PRKCH: variants seen among roughly 807,000 people sequenced by gnomAD.
The protein encoded by PRKCH is protein kinase C eta type.
Under a neutral mutation model 82.5 loss-of-function variants are expected in PRKCH, and 28 were observed. The ratio of observed to expected loss-of-function variants is 0.34; its 90% CI spans 0.25 to 0.47. The LOEUF is 0.47. Among genes scored for constraint, PRKCH ranks in the 20% least tolerant of loss-of-function variants. The pLI is 1.00. For synonymous variants in PRKCH, 322 were observed against 327.4 expected, an observed-to-expected ratio of 0.98 and a Z score of 0.18; for missense variants, 705 against 881.8, an observed-to-expected ratio of 0.80 and a Z score of 2.54.
chr14:61,415,993 C>T (rs568433037), intron 2 of PRKCH, among the ~76,000 whole-genome samples: 2 of 151,106 alleles, frequency 1.3e-5, no homozygotes, highest in East Asian at 3.9e-4. Flanking sequence ...AGGGTTCACC[C>T]GTGTGGTAGC....
intron 1 of PRKCH, among the ~76,000 whole-genome samples, chr14:61,260,873 C>A (rs1351339925): frequency 3.9e-5 from 6 of 152,120 alleles, no homozygotes; most frequent in Non-Finnish European, 7.4e-5. Flanking sequence ...TGGCTGTACC[C>A]AAACAACTTC....
At position 61,381,504 on chromosome 14, in the gene PRKCH, G is replaced by C. The variant is rs1459479913; in HGVS notation, c.364-9721G>C. On this transcript the variant is annotated intron_variant, in intron 1 of 13. Coordinates refer to ENST00000332981, the MANE Select transcript of PRKCH (RefSeq NM_006255.5). ...AGCAGGGATGTAGTATTTGCCTATT[G>C]CAACTTCTTTTCCTTTAAACCCCTT... Among the ~76,000 whole-genome samples the C allele has an allele frequency of 1.3e-5, 2 of 152,190 alleles. 1 individual carries two copies. The highest frequency in any genetic ancestry group is 4.1e-4 in the South Asian group (2 of 4,834).
At chr14:61,325,556 C>CA (rs2045684063) in intron 1 of PRKCH, among the ~76,000 whole-genome samples, 1 of 151,980 alleles carries the variant, frequency 6.6e-6, no homozygotes, top group African/African-American at 2.4e-5. Flanking sequence ...TTGGGTTCAG[C>CA]AAAAAATTTT....
At chr14:61,493,204 C>G (rs1594760285) in intron 10 of PRKCH, among the ~76,000 whole-genome samples, 1 of 152,160 alleles carries the variant, frequency 6.6e-6, no homozygotes, top group East Asian at 1.9e-4. Context: ...ACATAGTGCT[C>G]TCTCACATGA....
chr14:61,416,333 G>A (rs1432230404), intron 2 of PRKCH, among the ~76,000 whole-genome samples: 2 of 152,088 alleles, frequency 1.3e-5, no homozygotes, highest in Non-Finnish European at 2.9e-5. Flanking sequence ...GGCATTACAG[G>A]TGTAAGCCAC....
chr14:61,206,202 A>G (rs1445121325), intron 1 of PRKCH, among the ~76,000 whole-genome samples: 2 of 152,248 alleles, frequency 1.3e-5, no homozygotes, highest in African/African-American at 4.8e-5. Context: ...GGCTTAGCTT[A>G]AAGCAACTGA....
At chr14:61,325,811 A>G (rs1401045723) in intron 1 of PRKCH, among the ~76,000 whole-genome samples, 1 of 152,238 alleles carries the variant, frequency 6.6e-6, no homozygotes, top group East Asian at 1.9e-4. Flanking sequence ...AACTTGTCAA[A>G]TATTTCAATA....
chr14:61,382,633 T>C (rs1160463114), intron 1 of PRKCH, among the ~76,000 whole-genome samples: 1 of 152,188 alleles, frequency 6.6e-6, no homozygotes, highest in African/African-American at 2.4e-5. Context: ...GAGTAAGACT[T>C]AGGAAAGCTA....
rs1204378051 is a variant in PRKCH at position 61,322,137 on chromosome 14, G to A, written c.36G>A (p.Leu12=). Residue 12 remains leucine (L), a synonymous_variant, in exon 1 of 14, where the codon TTG becomes TTA. Coordinates refer to ENST00000332981, the MANE Select transcript of PRKCH (RefSeq NM_006255.5). Reference sequence around the variant, plus strand: ...GCACCATGAAGTTCAATGGCTATTTGAGGGTCCGCATCGGTGAGGCAGTGG... The same window carrying A: ...GCACCATGAAGTTCAATGGCTATTTAAGGGTCCGCATCGGTGAGGCAGTGG... ...SSGTMKFNGY[L]RVRIGEAVGL... The A allele has an allele frequency of 6.2e-6, 10 of 1,601,298 alleles. No homozygotes were observed. The highest frequency in any genetic ancestry group is 2.3e-5 in the East Asian group (1 of 44,172).
At chr14:61,246,015 C>A (rs955795657) in intron 1 of PRKCH, among the ~76,000 whole-genome samples, 2 of 152,118 alleles carry the variant, frequency 1.3e-5, no homozygotes, top group African/African-American at 4.8e-5. Flanking sequence ...TGATATAAGA[C>A]CCTCTTTAGG....
At chr14:61,544,053 C>T (rs1007751476) in intron 12 of PRKCH, 2 of 152,326 alleles carry the variant, frequency 1.3e-5, no homozygotes, top group Non-Finnish European at 2.9e-5. Context: ...CCTCCTTCTC[C>T]CGGTCCTGGT....
chr14:61,188,515 G>A (rs2044381868), intron 1 of PRKCH, among the ~76,000 whole-genome samples: 1 of 151,414 alleles, frequency 6.6e-6, no homozygotes. Context: ...CCCTCCGGGC[G>A]CCTCCCGGCT....
chr14:61,212,383 A>T (rs1233749274), intron 1 of PRKCH, among the ~76,000 whole-genome samples: 5 of 152,122 alleles, frequency 3.3e-5, no homozygotes, highest in African/African-American at 1.2e-4. Flanking sequence ...GAGATTTGTC[A>T]CTCTAAAAAA....
At chr14:61,224,897 C>T (rs1366871353) in intron 1 of PRKCH, among the ~76,000 whole-genome samples, 2 of 152,186 alleles carry the variant, frequency 1.3e-5, no homozygotes, top group East Asian at 1.9e-4. Context: ...CTTAGGAGTG[C>T]CAAACCTATG....
At chr14:61,242,095 G>T (rs2044844359) in intron 1 of PRKCH, among the ~76,000 whole-genome samples, 1 of 152,186 alleles carries the variant, frequency 6.6e-6, no homozygotes, top group Non-Finnish European at 1.5e-5. Context: ...TAAACAAATA[G>T]TGAGGTGATA....
intron 1 of PRKCH, among the ~76,000 whole-genome samples, chr14:61,252,354 C>T (rs2140073809): frequency 6.6e-6 from 1 of 152,320 alleles, no homozygotes; most frequent in Non-Finnish European, 1.5e-5. Flanking sequence ...ACACCTTTCC[C>T]ATGCACCCAC....
chr14:61,307,211 A>C (rs899292962), intron 1 of PRKCH: 1 of 152,190 alleles, frequency 6.6e-6, no homozygotes, highest in African/African-American at 2.4e-5. Flanking sequence ...CCAGCCTGGA[A>C]AGCATAGCAA....
chr14:61,352,403 C>G (rs2046089220), intron 1 of PRKCH, among the ~76,000 whole-genome samples: 1 of 152,028 alleles, frequency 6.6e-6, no homozygotes, highest in Non-Finnish European at 1.5e-5. Flanking sequence ...TGGCTCATGC[C>G]TGTGATCCCA....
At chr14:61,492,636 C>T (rs979390265) in intron 10 of PRKCH, among the ~76,000 whole-genome samples, 3 of 152,180 alleles carry the variant, frequency 2.0e-5, no homozygotes, top group Admixed American at 6.5e-5. Flanking sequence ...GAGAAAAATC[C>T]AGTTGAGATC....
Sources: gnomAD v4.1 joint callset for allele counts (sites outside exome capture counted in the v4.1 genomes callset) on GRCh38, gnomAD v4.1.1 for gene constraint, MANE v1.5 for transcripts, NCBI Gene and HGNC (gene_info 2026-07-23, HGNC 2026-07-21) for gene names.